IL1RAPL1: variants seen among roughly 807,000 people sequenced by gnomAD.
IL1RAPL1 encodes the protein interleukin-1 receptor accessory protein-like 1.
A neutral mutation model predicts 48.4 loss-of-function variants in IL1RAPL1; 3 were observed. The ratio of observed to expected loss-of-function variants is 0.06; its 90% confidence interval spans 0.03 to 0.16. The LOEUF is 0.16. IL1RAPL1 is among the 10% of genes least tolerant of loss of function. IL1RAPL1 has a pLI of 1.00. For missense variants in IL1RAPL1, 349 were observed against 530.6 expected, an observed-to-expected ratio of 0.66 and a Z score of 3.36; for synonymous variants, 185 against 187.7, an observed-to-expected ratio of 0.99 and a Z score of 0.12.
At chrX:29,023,194 A>G (rs1192309100) in intron 2 of IL1RAPL1, among the ~76,000 whole-genome samples, 10 of 112,794 alleles carry the variant, frequency 8.9e-5, no homozygotes, top group Non-Finnish European at 1.9e-5. Context: ...AAGTGAGGAA[A>G]TAAGTAACCA....
chrX:29,230,481 C>T (rs1363796399), intron 2 of IL1RAPL1, among the ~76,000 whole-genome samples: 2 of 74,249 alleles, frequency 2.7e-5, no homozygotes, highest in Non-Finnish European at 4.7e-5. Flanking sequence ...CCTGTAGATG[C>T]TCTATCATTA....
chrX:29,940,662 A>G (rs1933112350), intron 8 of IL1RAPL1, among the ~76,000 whole-genome samples: 1 of 111,781 alleles, frequency 8.9e-6, no homozygotes, highest in Non-Finnish European at 1.9e-5. Flanking sequence ...TTAAATACCA[A>G]TATCCTTATT....
At chrX:29,629,310 C>T (rs1170241737) in intron 5 of IL1RAPL1, among the ~76,000 whole-genome samples, 2 of 110,294 alleles carry the variant, frequency 1.8e-5, no homozygotes, top group African/African-American at 6.6e-5. Context: ...ACAAAGTGTA[C>T]TAAATGTTTT....
intron 2 of IL1RAPL1, among the ~76,000 whole-genome samples, chrX:29,195,557 CTT>C (rs756993767): frequency 1.3e-4 from 10 of 79,928 alleles, no homozygotes; most frequent in Admixed American, 3.1e-4. Flanking sequence ...TAACTAATTA[CTT>C]TTTTTTTTTT....
At chrX:28,873,106 C>CTTTTTTTTTTT (rs764591682) in intron 2 of IL1RAPL1, among the ~76,000 whole-genome samples, 5 of 64,969 alleles carry the variant, frequency 7.7e-5, no homozygotes, top group African/African-American at 1.6e-4. Context: ...TTTTTTTTCA[C>CTTTTTTTTTTT]TTTTTTTTTT....
At chrX:28,806,963 A>C (rs1405328783) in intron 2 of IL1RAPL1, among the ~76,000 whole-genome samples, 1 of 111,119 alleles carries the variant, frequency 9.0e-6, no homozygotes, top group Non-Finnish European at 1.9e-5. Context: ...TCTGAAAGAG[A>C]CAATTTTTGT....
At chrX:28,772,227 T>C (rs999857904) in intron 1 of IL1RAPL1, among the ~76,000 whole-genome samples, 2 of 111,550 alleles carry the variant, frequency 1.8e-5, no homozygotes, top group Admixed American at 1.9e-4. Context: ...TTCTTTATCA[T>C]GTTGCACCTT....
intron 1 of IL1RAPL1, among the ~76,000 whole-genome samples, chrX:28,697,761 AG>A (rs1935250750): frequency 9.0e-6 from 1 of 111,493 alleles, no homozygotes; most frequent in Admixed American, 9.6e-5. Context: ...GAATTCTGAA[AG>A]AAGCATAGGG....
At chrX:29,413,467 T>G (rs953559118) in intron 5 of IL1RAPL1, among the ~76,000 whole-genome samples, 3 of 109,176 alleles carry the variant, frequency 2.7e-5, no homozygotes, top group African/African-American at 6.7e-5. Context: ...ACTCGTCATT[T>G]AACATTAGGT....
chrX:29,284,814 C>T (rs1269804311), intron 3 of IL1RAPL1, among the ~76,000 whole-genome samples: 1 of 112,147 alleles, frequency 8.9e-6, no homozygotes. Flanking sequence ...TTAGGGTTTA[C>T]TAATCCTTTT....
chrX:29,182,684 G>A (rs1349348140), intron 2 of IL1RAPL1, among the ~76,000 whole-genome samples: 1 of 109,939 alleles, frequency 9.1e-6, no homozygotes, highest in African/African-American at 3.3e-5. Context: ...GACAAAACTT[G>A]TAACATATGT....
intron 2 of IL1RAPL1, among the ~76,000 whole-genome samples, chrX:28,886,517 G>GT (rs1056646409): frequency 5.0e-5 from 4 of 80,394 alleles, no homozygotes; most frequent in African/African-American, 1.4e-4. Context: ...GAGCATTGTT[G>GT]TTTTAAAAAA....
chrX:29,403,818 G>A (rs1934023477), intron 5 of IL1RAPL1, among the ~76,000 whole-genome samples: 1 of 111,839 alleles, frequency 8.9e-6, no homozygotes, highest in Non-Finnish European at 1.9e-5. Flanking sequence ...TTCACTTCCA[G>A]TATAAATGTA....
intron 2 of IL1RAPL1, among the ~76,000 whole-genome samples, chrX:28,861,639 A>G (rs1382563333): frequency 3.6e-5 from 4 of 111,095 alleles, no homozygotes; most frequent in African/African-American, 1.3e-4. Flanking sequence ...CACAATGAAA[A>G]ACATCCCGAT....
At chrX:29,945,097 T>C in intron 9 of IL1RAPL1, among the ~76,000 whole-genome samples, 1 of 112,039 alleles carries the variant, frequency 8.9e-6, no homozygotes, top group Non-Finnish European at 1.9e-5. Flanking sequence ...CTTCTCAGAT[T>C]CTGCCTCAAA....
rs895709960 is a variant in IL1RAPL1 at position 29,308,260 on chromosome X, A to G, written c.362+25043A>G. Among the ~76,000 whole-genome samples, 12 of 111,531 alleles carry G rather than the reference A, an allele frequency of 1.1e-4. No homozygotes were observed. In the South Asian group the frequency reaches 1.9e-3, roughly 18 times the overall value. On this transcript the variant is annotated intron_variant, in intron 3 of 10. Coordinates refer to ENST00000378993, the MANE Select transcript of IL1RAPL1 (RefSeq NM_014271.4). ...TCTTAGGTAGGCAAAGATGACCCCT[A>G]TCTCCTCTAGTCTTAGATTCTACTG...
intron 2 of IL1RAPL1, among the ~76,000 whole-genome samples, chrX:29,016,021 GATA>G (rs1434798708): frequency 9.0e-6 from 1 of 111,706 alleles, no homozygotes; most frequent in Admixed American, 9.6e-5. Context: ...ATACAGAACT[GATA>G]ATAATACACA....
At chrX:29,216,984 A>C (rs1239045676) in intron 2 of IL1RAPL1, among the ~76,000 whole-genome samples, 1 of 111,651 alleles carries the variant, frequency 9.0e-6, no homozygotes, top group Non-Finnish European at 1.9e-5. Flanking sequence ...CTAACAAGAC[A>C]GTCTCCTTTC....
chrX:29,236,434 T>G lies in IL1RAPL1; in HGVS notation c.83-46504T>G, dbSNP rs1192010211. Among the ~76,000 whole-genome samples, 3 of 110,781 alleles carry G rather than the reference T, an allele frequency of 2.7e-5. No homozygotes were observed. The East Asian group carries it at 8.4e-4, about 31-fold the overall frequency. On this transcript the variant is annotated intron_variant, in intron 2 of 10. Transcript: ENST00000378993. The stretch of plus-strand genomic sequence containing the variant: ...TACTTTGTGCTAGCCATCACTGACT[T>G]CCACCTAAAAAGATAAACTGTAGGT...
Sources: gnomAD v4.1 joint callset for allele counts (sites outside exome capture counted in the v4.1 genomes callset) on GRCh38, gnomAD v4.1.1 for gene constraint, MANE v1.5 for transcripts, NCBI Gene and HGNC (gene_info 2026-07-23, HGNC 2026-07-21) for gene names.